PCDH15: variants seen among roughly 807,000 people sequenced by gnomAD.
The protein encoded by PCDH15 is protocadherin-15.
Under a neutral mutation model 178.5 loss-of-function variants are expected in PCDH15, and 129 were observed. The observed-to-expected ratio is 0.72, with a 90% confidence interval of 0.63 to 0.84. The LOEUF is 0.84. Ranked by LOEUF, PCDH15 falls within the 40% of genes least tolerant of loss-of-function variation. PCDH15 has a pLI of 0.00. For synonymous variants in PCDH15, 800 were observed against 732.0 expected (o/e 1.09, Z -1.50); for missense variants, 2,230 against 2,099.9 (o/e 1.06, Z -1.21).
chr10:54,089,752 G>C (rs1256656757), intron 16 of PCDH15, among the ~76,000 whole-genome samples: 2 of 152,100 alleles, frequency 1.3e-5, no homozygotes, highest in African/African-American at 4.8e-5. Context: ...GCCTTCCAAT[G>C]AAATGTTTCC....
At chr10:53,979,947 G>A (rs911501148) in intron 21 of PCDH15, among the ~76,000 whole-genome samples, 1 of 152,284 alleles carries the variant, frequency 6.6e-6, no homozygotes, top group African/African-American at 2.4e-5. Context: ...GGCCAGGTGC[G>A]GCGGCTCACG....
In PCDH15 at chr10:55,146,858, A is replaced by T. The variant is rs1838526767; in HGVS notation, c.-80+19718T>A. ...CAAGTGTGCATATGTACTTTTACTG[A>T]CTTATGATTACAAAATTATATGAGC... On this transcript the variant is annotated intron_variant, in intron 2 of 5. Transcript: ENST00000458638. Among the ~76,000 whole-genome samples the T allele has an allele frequency of 1.2e-4, 3 of 25,038 alleles. No individual in the cohort carries two copies. The South Asian group carries it at 9.9e-3, about 83-fold the overall frequency. The allele number at this position is 25,038 out of a possible 152,430, so 16.4% of individuals were successfully genotyped here. A position where few individuals can be genotyped will look rare whatever the true frequency, so the allele number is the denominator to read the frequency against.
chr10:54,485,337 G>T (rs1016020822), intron 3 of PCDH15, among the ~76,000 whole-genome samples: 1 of 151,848 alleles, frequency 6.6e-6, no homozygotes, highest in Non-Finnish European at 1.5e-5. Flanking sequence ...GTCATATGGG[G>T]ATCTAGCTCC....
At chr10:55,243,078 T>C (rs1841596058) in intron 1 of PCDH15, among the ~76,000 whole-genome samples, 2 of 152,128 alleles carry the variant, frequency 1.3e-5, no homozygotes, top group African/African-American at 2.4e-5. Flanking sequence ...TCATTTATGA[T>C]AGGAAATAAA....
chr10:54,533,743 CATTTA>C lies in PCDH15; in HGVS notation c.92-5871_92-5867del, dbSNP rs2084179972. Among the ~76,000 whole-genome samples, 3 of 152,210 alleles carry C rather than the reference CATTTA, an allele frequency of 2.0e-5. No homozygotes were observed. In the South Asian group the frequency reaches 6.2e-4, roughly 32 times the overall value. On this transcript the variant is annotated intron_variant, in intron 2 of 37. Coordinates refer to ENST00000644397, the MANE Select transcript of PCDH15 (RefSeq NM_001384140.1). Reference sequence around the variant, plus strand: ...AGTAGAGTATTTGACTTAACATAATCATTTAATTTATTTGCTGAATTAGGAAATAT... The same window carrying C: ...AGTAGAGTATTTGACTTAACATAATCATTTATTTGCTGAATTAGGAAATAT...
At chr10:54,034,371 T>A (rs1273917487) in intron 18 of PCDH15, among the ~76,000 whole-genome samples, 2 of 151,932 alleles carry the variant, frequency 1.3e-5, no homozygotes, top group African/African-American at 2.4e-5. Flanking sequence ...TAGGTTCCAG[T>A]TTTATTTTAT....
At chr10:54,242,839 C>T (rs956748453) in intron 8 of PCDH15, among the ~76,000 whole-genome samples, 2 of 152,088 alleles carry the variant, frequency 1.3e-5, no homozygotes, top group African/African-American at 2.4e-5. Flanking sequence ...TCTGATACAT[C>T]CCTGGAAAGG....
chr10:55,125,165 G>T (rs11004741), intron 2 of PCDH15, among the ~76,000 whole-genome samples: 6 of 115,384 alleles, frequency 5.2e-5, no homozygotes, highest in African/African-American at 1.8e-4. Context: ...TTTTTTAATT[G>T]TGTGTGTGTG....
At chr10:54,358,344 G>A (rs1003671692) in intron 5 of PCDH15, among the ~76,000 whole-genome samples, 1 of 151,780 alleles carries the variant, frequency 6.6e-6, no homozygotes, top group Non-Finnish European at 1.5e-5. Flanking sequence ...ATCAAAAAGT[G>A]GGCAAAGGAC....
intron 26 of PCDH15, among the ~76,000 whole-genome samples, chr10:53,899,289 A>G (rs1395327155): frequency 2.6e-5 from 4 of 152,042 alleles, no homozygotes; most frequent in Admixed American, 1.3e-4. Flanking sequence ...GTTTTTAAGT[A>G]TATTAGGTAT....
chr10:54,000,265 G>A (rs901122014), intron 20 of PCDH15, among the ~76,000 whole-genome samples: 59 of 152,216 alleles, frequency 3.9e-4, no homozygotes, highest in Non-Finnish European at 5.1e-4. Flanking sequence ...ACGCTTAAAT[G>A]CCCAGACACA....
At chr10:55,212,508 A>G (rs1251473732) in intron 1 of PCDH15, among the ~76,000 whole-genome samples, 4 of 152,038 alleles carry the variant, frequency 2.6e-5, no homozygotes, top group Admixed American at 6.6e-5. Flanking sequence ...GATACTCCAG[A>G]CAATGAAACT....
intron 2 of PCDH15, among the ~76,000 whole-genome samples, chr10:54,979,512 T>C (rs2131902431): frequency 6.6e-6 from 1 of 151,918 alleles, no homozygotes; most frequent in Admixed American, 6.6e-5. Flanking sequence ...CTTCTAAATA[T>C]ACAAAAATTA....
chr10:54,784,702 A>T (rs1252490465), intron 1 of PCDH15, among the ~76,000 whole-genome samples: 1 of 149,638 alleles, frequency 6.7e-6, no homozygotes, highest in Non-Finnish European at 1.5e-5. Flanking sequence ...AATCCAAGGA[A>T]AATTGTGGTG....
chr10:53,911,142 C>G (rs890701322), intron 25 of PCDH15, among the ~76,000 whole-genome samples: 1 of 152,042 alleles, frequency 6.6e-6, no homozygotes, highest in Non-Finnish European at 1.5e-5. Flanking sequence ...GGCCAACATA[C>G]AAATTCAGGA....
chr10:54,800,986 G>C lies in PCDH15; in HGVS notation c.-90C>G, dbSNP rs1952612659. The C allele has an allele frequency of 6.6e-6, 1 of 152,082 alleles. No individual in the cohort carries two copies. Among genetic ancestry groups the C allele is most frequent in the Non-Finnish European group, 1.5e-5 (1 of 68,018 alleles). 9.4% of individuals were successfully genotyped at this position (152,082 alleles called of 1,614,324 possible). A position where few individuals can be genotyped will look rare whatever the true frequency, so the allele number is the denominator to read the frequency against. On this transcript the variant is annotated 5_prime_UTR_variant, in exon 1 of 38. Transcript: ENST00000644397. ...TTATGCAGCAAGTTTTCTTGCCAAGGCTGCCTCTTGCACATCCCTTTAAAA... is the reference window on the plus strand; with the variant it reads ...TTATGCAGCAAGTTTTCTTGCCAAGCCTGCCTCTTGCACATCCCTTTAAAA...
intron 8 of PCDH15, among the ~76,000 whole-genome samples, chr10:54,278,267 C>A (rs2058462049): frequency 6.6e-6 from 1 of 151,448 alleles, no homozygotes; most frequent in Admixed American, 6.6e-5. Flanking sequence ...TTTATACTCA[C>A]CCTCAATTTG....
chr10:54,970,580 T>C (rs1424717363), intron 2 of PCDH15, among the ~76,000 whole-genome samples: 1 of 151,234 alleles, frequency 6.6e-6, no homozygotes, highest in Admixed American at 6.6e-5. Flanking sequence ...TTACCCATGG[T>C]TAACTTTGGT....
chr10:54,610,581 A>G (rs966214113), intron 2 of PCDH15, among the ~76,000 whole-genome samples: 19 of 151,932 alleles, frequency 1.3e-4, no homozygotes, highest in Admixed American at 1.1e-3. Context: ...GCTAGACAAA[A>G]CAATCCCTGG....
Sources: gnomAD v4.1 joint callset for allele counts (sites outside exome capture counted in the v4.1 genomes callset) on GRCh38, gnomAD v4.1.1 for gene constraint, MANE v1.5 for transcripts, NCBI Gene and HGNC (gene_info 2026-07-23, HGNC 2026-07-21) for gene names.